AMTN: variants seen among roughly 807,000 people sequenced by gnomAD.
The protein encoded by AMTN is amelotin.
In AMTN, 29 loss-of-function variants were observed where a neutral mutation model predicts 27.4. That is an observed-to-expected ratio of 1.06 (90% CI 0.79 to 1.44). AMTN has a LOEUF of 1.44. Among genes scored for constraint, AMTN ranks in the 40% most tolerant of loss-of-function variants. AMTN has a pLI of 0.00. For missense variants in AMTN, 247 were observed against 248.8 expected (o/e 0.99, Z 0.05); for synonymous variants, 86 against 95.7 (o/e 0.90, Z 0.59).
rs763143860 is a variant in AMTN, at chr4:70,521,640, C to CTTTTTTTTTTTTTT, written c.55-1092_55-1079dup. On this transcript the variant is annotated intron_variant, in intron 2 of 8. Transcript: ENST00000339336. ...CCTAGAACAGATAATACCAACCTCT[C>CTTTTTTTTTTTTTT]TTTTTTTTTTTTTTTTTTTTTTTTT... Among the ~76,000 whole-genome samples the CTTTTTTTTTTTTTT allele has an allele frequency of 8.6e-4, 66 of 76,482 alleles. 15 individuals carry two copies. Among genetic ancestry groups the CTTTTTTTTTTTTTT allele is most frequent in the East Asian group, 1.6e-3 (3 of 1,884 alleles). The allele number at this position is 76,482 out of a possible 152,430, so 50.2% of individuals were successfully genotyped here.
intron 5 of AMTN, among the ~76,000 whole-genome samples, chr4:70,526,468 A>G (rs1272099715): frequency 3.3e-5 from 5 of 152,178 alleles, no homozygotes; most frequent in East Asian, 3.8e-4. Flanking sequence ...TGATATTCCA[A>G]TGACTATTTC....
intron 2 of AMTN, among the ~76,000 whole-genome samples, chr4:70,521,210 C>A (rs1246784283): frequency 6.6e-6 from 1 of 151,940 alleles, no homozygotes; most frequent in Non-Finnish European, 1.5e-5. Flanking sequence ...GAAACACCGT[C>A]CCTACTAAAA....
chr4:70,529,042 T>C (rs56862242), intron 6 of AMTN, 142 bp from the exon 7 acceptor site: 7,731 of 722,250 alleles, frequency 0.011, 341 homozygotes, highest in African/African-American at 0.1. Context: ...ATATAGATCA[T>C]AAGGCAGTTT....
chr4:70,518,863 C>A (rs201589101), intron 2 of AMTN, 32 bp downstream of exon 2: 59 of 1,550,098 alleles, frequency 3.8e-5, no homozygotes, highest in Non-Finnish European at 5.4e-6. Context: ...TATATGCCAG[C>A]CAGTTTCAAC....
intron 5 of AMTN, among the ~76,000 whole-genome samples, chr4:70,526,935 G>A (rs1222728612): frequency 6.6e-6 from 1 of 152,112 alleles, no homozygotes; most frequent in Non-Finnish European, 1.5e-5. Flanking sequence ...GCCTTTCCCT[G>A]TGCAGAGTGG....
chr4:70,526,123 T>A (rs1237678147), intron 5 of AMTN, among the ~76,000 whole-genome samples: 1 of 152,130 alleles, frequency 6.6e-6, no homozygotes, highest in Non-Finnish European at 1.5e-5. Flanking sequence ...AATTTACATA[T>A]AAGCAAAAAA....
intron 8 of AMTN, among the ~76,000 whole-genome samples, chr4:70,531,844 C>G (rs1460104232): frequency 1.3e-5 from 2 of 152,104 alleles, no homozygotes; most frequent in East Asian, 1.9e-4. Flanking sequence ...TTTGTAAAAA[C>G]GGGGTTTTGC....
intron 2 of AMTN, among the ~76,000 whole-genome samples, chr4:70,520,966 T>A (rs1041456138): frequency 6.6e-6 from 1 of 151,918 alleles, no homozygotes; most frequent in African/African-American, 2.4e-5. Flanking sequence ...AACAGCAAAA[T>A]GGCTGGATGG....
chr4:70,522,193 T>C (rs780769927), intron 2 of AMTN, among the ~76,000 whole-genome samples: 4 of 141,108 alleles, frequency 2.8e-5, no homozygotes, highest in Middle Eastern at 3.4e-3. Context: ...AGTTGCCTCA[T>C]CTATTAGAAA....
At chr4:70,524,598 A>G (rs1736054916) in intron 4 of AMTN, among the ~76,000 whole-genome samples, 1 of 152,208 alleles carries the variant, frequency 6.6e-6, no homozygotes, top group Admixed American at 6.5e-5. Context: ...AGATAAAAAT[A>G]AATCACTTAA....
intron 3 of AMTN, 128 bp downstream of exon 3, chr4:70,522,966 A>G (rs1365343058): frequency 4.8e-6 from 4 of 834,300 alleles, no homozygotes; most frequent in Non-Finnish European, 7.6e-6. Context: ...ACTGTACAAG[A>G]CTGAACAAGA....
At chr4:70,522,495 A>G (rs1429184932) in intron 2 of AMTN, among the ~76,000 whole-genome samples, 2 of 152,214 alleles carry the variant, frequency 1.3e-5, no homozygotes, top group Admixed American at 6.5e-5. Context: ...AATGGGAGCC[A>G]GGAACCACCA....
intron 4 of AMTN, among the ~76,000 whole-genome samples, chr4:70,524,604 C>G (rs76128868): frequency 0.025 from 3,793 of 152,232 alleles, 67 homozygotes; most frequent in Middle Eastern, 0.061. Flanking sequence ...AAATAAATCA[C>G]TTAAGTAATT....
intron 2 of AMTN, among the ~76,000 whole-genome samples, chr4:70,522,249 T>A (rs1272973149): frequency 6.6e-6 from 1 of 152,086 alleles, no homozygotes; most frequent in Non-Finnish European, 1.5e-5. Context: ...TATTTTCATA[T>A]CTAAAAATTC....
intron 3 of AMTN, among the ~76,000 whole-genome samples, chr4:70,523,514 G>C (rs114735578): frequency 2.0e-5 from 3 of 151,940 alleles, no homozygotes; most frequent in Non-Finnish European, 4.4e-5. Flanking sequence ...CATTCTCCCC[G>C]CTTAAGGAAT....
In AMTN at chr4:70,524,950, C is replaced by A. The variant is rs1417956083; in HGVS notation, c.283C>A (p.Leu95Met). 10 of 1,613,826 alleles carry A rather than the reference C, an allele frequency of 6.2e-6. No homozygotes were observed. Among genetic ancestry groups the A allele is most frequent in the Non-Finnish European group, 8.5e-6 (10 of 1,179,862 alleles). Residue 95 changes from leucine (L) to methionine (M), a missense_variant, in exon 5 of 9, where the codon CTG (leucine) becomes ATG (methionine). Physicochemically the swap from Leu to Met is conservative, Grantham distance 15. Coordinates refer to ENST00000339336, the MANE Select transcript of AMTN (RefSeq NM_212557.4). The part of the protein sequence containing the change: ...TLGGLNVQQQ[L>M]HPHVLPIFVT... The stretch of plus-strand genomic sequence containing the variant: ...GGGAGGGTTGAATGTACAACAGCAA[C>A]TGCACCCACATGTAAGTTGAACAGC...
intron 3 of AMTN, 86 bp downstream of exon 3, chr4:70,522,924 C>A: frequency 7.5e-7 from 1 of 1,334,420 alleles, no homozygotes; most frequent in Non-Finnish European, 1.1e-6. Context: ...CACGTTAAGA[C>A]TGGTAGGTTT....
Position 70,519,473 on chromosome 4 carries a change from A to G in AMTN, c.54+642A>G, listed in dbSNP as rs183775792. 9.1e-4 allele frequency among the ~76,000 whole-genome samples: 138 copies of G among 151,920 alleles called. 2 individuals carry two copies. Among genetic ancestry groups the G allele is most frequent in the African/African-American group, 3.3e-3 (135 of 41,466 alleles). ...TGTTCAAGATGGTTCAAGACCATTAAGAAAAAAATTACAATATACTTGCTA... is the reference window on the plus strand; with the variant it reads ...TGTTCAAGATGGTTCAAGACCATTAGGAAAAAAATTACAATATACTTGCTA... On this transcript the variant is annotated intron_variant, in intron 2 of 8. Transcript: ENST00000339336.
intron 5 of AMTN, among the ~76,000 whole-genome samples, chr4:70,525,627 T>C (rs888581450): frequency 2.0e-5 from 3 of 152,190 alleles, no homozygotes; most frequent in East Asian, 3.8e-4. Flanking sequence ...CTGGGTGCAG[T>C]GGCCCACGCT....
Sources: allele counts gnomAD v4.1 joint callset (sites outside exome capture counted in the v4.1 genomes callset), GRCh38; gene constraint gnomAD v4.1.1; transcripts MANE v1.5; gene names NCBI Gene and HGNC (gene_info 2026-07-23, HGNC 2026-07-21).